Variants in CSMD3 observed in about 807,000 individuals in gnomAD.
CSMD3 encodes the protein CUB and Sushi multiple domains 3, also known as CUB and sushi domain-containing protein 3.
CSMD3 carries 177 observed loss-of-function variants against 435.2 expected under a neutral mutation model. The ratio of observed to expected loss-of-function variants is 0.41; its 90% CI spans 0.36 to 0.46. The LOEUF (loss-of-function observed/expected upper bound fraction) is 0.46. CSMD3 is among the 20% of genes least tolerant of loss of function. CSMD3 has a pLI of 0.34. For synonymous variants in CSMD3, 1,656 were observed against 1,520.5 expected (o/e 1.09, Z -2.07); for missense variants, 4,265 against 4,504.6 (o/e 0.95, Z 1.52).
chr8:112,317,901 A>G (rs1822621435), intron 47 of CSMD3, among the ~76,000 whole-genome samples: 1 of 152,116 alleles, frequency 6.6e-6, no homozygotes, highest in Non-Finnish European at 1.5e-5. Context: ...AGAAGGAATT[A>G]ATCCAAAAAA....
chr8:113,321,367 A>G (rs774817284), intron 1 of CSMD3, among the ~76,000 whole-genome samples: 2 of 152,066 alleles, frequency 1.3e-5, no homozygotes, highest in African/African-American at 2.4e-5. Context: ...AAGCTGACCT[A>G]GGAATAGTTC....
intron 16 of CSMD3, among the ~76,000 whole-genome samples, chr8:112,677,962 T>A (rs1209637272): frequency 6.6e-6 from 1 of 152,152 alleles, no homozygotes; most frequent in East Asian, 1.9e-4. Flanking sequence ...AGGTATTGTA[T>A]AAGCTAATGG....
At chr8:113,130,973 G>C (rs1048464402) in intron 4 of CSMD3, among the ~76,000 whole-genome samples, 2 of 152,154 alleles carry the variant, frequency 1.3e-5, no homozygotes, top group African/African-American at 4.8e-5. Context: ...GAATTTGAGA[G>C]AGATGTTTTA....
intron 22 of CSMD3, among the ~76,000 whole-genome samples, chr8:112,590,474 G>A (rs1411317100): frequency 6.6e-6 from 1 of 151,992 alleles, no homozygotes. Context: ...ATAATGACAG[G>A]TTCTAGGAAC....
At chr8:113,351,680 G>A (rs1277479789) in intron 1 of CSMD3, among the ~76,000 whole-genome samples, 2 of 152,038 alleles carry the variant, frequency 1.3e-5, no homozygotes, top group East Asian at 1.9e-4. Flanking sequence ...CCAGGCATTC[G>A]CTAAGTGCTT....
At chr8:112,461,295 C>A (rs1411518521) in intron 32 of CSMD3, among the ~76,000 whole-genome samples, 1 of 151,978 alleles carries the variant, frequency 6.6e-6, no homozygotes, top group Non-Finnish European at 1.5e-5. Context: ...TTTAATCTGT[C>A]ATGGTATGAA....
chr8:112,959,141 C>T (rs775674326), intron 7 of CSMD3, among the ~76,000 whole-genome samples: 13 of 152,038 alleles, frequency 8.6e-5, no homozygotes, highest in Non-Finnish European at 1.6e-4. Flanking sequence ...ATATGCAGAA[C>T]ATTTATCTTT....
At chr8:112,297,927 C>T (rs959327580) in intron 53 of CSMD3, among the ~76,000 whole-genome samples, 1 of 151,738 alleles carries the variant, frequency 6.6e-6, no homozygotes, top group Non-Finnish European at 1.5e-5. Flanking sequence ...TCAAGACCAG[C>T]CTGGGCAACA....
At chr8:112,302,118 G>C in intron 52 of CSMD3, 152 bp from the exon 53 acceptor site, 1 of 647,700 alleles carries the variant, frequency 1.5e-6, no homozygotes. Context: ...GAGTGTGAAA[G>C]TAGGGAGAAA....
chr8:112,756,830 G>A (rs1170886911), intron 13 of CSMD3, among the ~76,000 whole-genome samples: 4 of 150,320 alleles, frequency 2.7e-5, no homozygotes, highest in African/African-American at 4.9e-5. Context: ...GTGCAATGGC[G>A]CAATCTCTGC....
intron 4 of CSMD3, among the ~76,000 whole-genome samples, chr8:113,124,905 C>T (rs747305399): frequency 1.3e-5 from 2 of 151,870 alleles, no homozygotes; most frequent in Non-Finnish European, 2.9e-5. Flanking sequence ...TATAAGTATA[C>T]CCAGAGTCAT....
intron 45 of CSMD3, among the ~76,000 whole-genome samples, chr8:112,330,797 T>G (rs1823970936): frequency 6.6e-6 from 1 of 152,096 alleles, no homozygotes; most frequent in Non-Finnish European, 1.5e-5. Context: ...TATATACCAT[T>G]AAATATAATC....
At chr8:112,559,310 TA>T (rs1828404858) in intron 24 of CSMD3, among the ~76,000 whole-genome samples, 1 of 151,950 alleles carries the variant, frequency 6.6e-6, no homozygotes, top group Admixed American at 6.6e-5. Context: ...TAGATATATT[TA>T]CATTACAAAA....
At chr8:113,217,973 C>T (rs2092924593) in intron 3 of CSMD3, among the ~76,000 whole-genome samples, 1 of 150,904 alleles carries the variant, frequency 6.6e-6, no homozygotes, top group Non-Finnish European at 1.5e-5. Context: ...AAACAAAATA[C>T]ATTCATAAAC....
At chr8:113,193,399 A>C (rs2092612301) in intron 3 of CSMD3, among the ~76,000 whole-genome samples, 2 of 151,360 alleles carry the variant, frequency 1.3e-5, no homozygotes, top group Non-Finnish European at 3.0e-5. Flanking sequence ...AGAGGTTCTT[A>C]ATGCCACCAA....
At chr8:112,639,658 G>A (rs2074764573) in intron 20 of CSMD3, among the ~76,000 whole-genome samples, 1 of 151,958 alleles carries the variant, frequency 6.6e-6, no homozygotes, top group Admixed American at 6.6e-5. Context: ...TATATATTTT[G>A]TAGTTTATAG....
intron 3 of CSMD3, among the ~76,000 whole-genome samples, chr8:113,217,729 G>C (rs993023540): frequency 4.0e-5 from 6 of 151,194 alleles, no homozygotes; most frequent in African/African-American, 1.5e-4. Context: ...AATATCAAGA[G>C]GTCTAATACA....
chr8:112,897,745 G>C (rs1038921705), intron 10 of CSMD3, among the ~76,000 whole-genome samples: 1 of 144,704 alleles, frequency 6.9e-6, no homozygotes, highest in African/African-American at 2.6e-5. Context: ...GGAAGTCGTG[G>C]TAAGAAGAGA....
At chr8:113,248,591 C>T (rs1217985042) in intron 3 of CSMD3, among the ~76,000 whole-genome samples, 1 of 146,298 alleles carries the variant, frequency 6.8e-6, no homozygotes, top group Non-Finnish European at 1.5e-5. Context: ...ATATAAATTG[C>T]CATGTATTTA....
Sources: gnomAD v4.1 joint callset for allele counts (sites outside exome capture counted in the v4.1 genomes callset) on GRCh38, gnomAD v4.1.1 for gene constraint, MANE v1.5 for transcripts, NCBI Gene and HGNC (gene_info 2026-07-23, HGNC 2026-07-21) for gene names.